The following PRKN variants were observed in gnomAD, a reference collection of about 807,000 sequenced individuals.
PRKN encodes parkin RBR E3 ubiquitin protein ligase, also known as E3 ubiquitin-protein ligase parkin.
Under a neutral mutation model 59.5 loss-of-function variants are expected in PRKN, and 56 were observed. The observed-to-expected ratio is 0.94, with a 90% CI of 0.76 to 1.18. The LOEUF is 1.18. PRKN is among the 50% of genes most tolerant of loss of function. The probability of loss-of-function intolerance (pLI) is 0.00; values close to 1 mark genes in which losing one functional copy is unlikely to be tolerated. For synonymous variants in PRKN, 250 were observed against 222.1 expected, an observed-to-expected ratio of 1.13 and a Z score of -1.12; for missense variants, 657 against 596.4, an observed-to-expected ratio of 1.10 and a Z score of -1.06.
rs1196046739 is a variant in PRKN, at chr6:161,566,532, G to T, written c.933+2823C>A. Among the ~76,000 whole-genome samples, 1 of 152,088 alleles carries T rather than the reference G, an allele frequency of 6.6e-6. No homozygotes were observed. Among genetic ancestry groups the T allele is most frequent in the Non-Finnish European group, 1.5e-5 (1 of 68,010 alleles). On this transcript the variant is annotated intron_variant, in intron 8 of 11. Transcript: ENST00000366898. This position sits in a 1 kb window ranked among gnomAD's most constrained non-coding sequence, Gnocchi z 4.1. ...AGCAATTCTCCTGCCTCAGCCTCCT[G>T]AGTAGCTGAGATTACAGGCGCCCGC...
chr6:161,793,655 C>G (rs1790725213), intron 6 of PRKN, among the ~76,000 whole-genome samples: 1 of 151,844 alleles, frequency 6.6e-6, no homozygotes, highest in African/African-American at 2.4e-5. Context: ...TAAGCACTAC[C>G]ATAAGGATGA....
intron 2 of PRKN, among the ~76,000 whole-genome samples, chr6:162,383,287 T>C (rs559058990): frequency 2.6e-5 from 4 of 152,210 alleles, no homozygotes; most frequent in Non-Finnish European, 4.4e-5. Flanking sequence ...TCTTGAATAA[T>C]AAGACTTGAA....
chr6:161,705,022 G>A (rs1441491027), intron 7 of PRKN, among the ~76,000 whole-genome samples: 1 of 152,208 alleles, frequency 6.6e-6, no homozygotes, highest in Admixed American at 6.5e-5. Flanking sequence ...GGTTCTCTGG[G>A]TGATGCCAGC....
Position 162,382,012 on chromosome 6 carries a change from A to G in PRKN, c.171+61298T>C, listed in dbSNP as rs111350342. On this transcript the variant is annotated intron_variant, in intron 2 of 11. Transcript: ENST00000366898. ...ACTCGTGGGTCACACTTAGGGGGTT[A>G]TTGGTCAAAAATTTCTGGATATCTG... 9.9e-5 allele frequency among the ~76,000 whole-genome samples: 15 copies of G among 152,278 alleles called. 1 individual carries two copies. Among genetic ancestry groups the G allele is most frequent in the African/African-American group, 2.9e-4 (12 of 41,554 alleles).
intron 2 of PRKN, among the ~76,000 whole-genome samples, chr6:162,432,375 A>C (rs2128163641): frequency 6.6e-6 from 1 of 152,132 alleles, no homozygotes; most frequent in Admixed American, 6.5e-5. Flanking sequence ...AAAATACAAA[A>C]ATTAGCTGGG....
chr6:161,516,174 G>A lies in PRKN; in HGVS notation c.1083+32680C>T, dbSNP rs112869808. Reference sequence around the variant, plus strand: ...CTTTAAGAAGAAAAGTGGGCCAGGCGCAGTGGCTCACGCCTGTAATCCCAG... The same window carrying A: ...CTTTAAGAAGAAAAGTGGGCCAGGCACAGTGGCTCACGCCTGTAATCCCAG... On this transcript the variant is annotated intron_variant, in intron 9 of 11. Coordinates refer to ENST00000366898, the MANE Select transcript of PRKN (RefSeq NM_004562.3). Among the ~76,000 whole-genome samples, 676 of 152,102 alleles carry A rather than the reference G, an allele frequency of 4.4e-3. 6 individuals carry two copies. The highest frequency in any genetic ancestry group is 0.014 in the African/African-American group (578 of 41,496).
intron 9 of PRKN, among the ~76,000 whole-genome samples, chr6:161,515,061 A>C (rs1169568274): frequency 6.6e-6 from 1 of 152,222 alleles, no homozygotes; most frequent in Non-Finnish European, 1.5e-5. Context: ...TTCCTTTAAA[A>C]AGCATGAGGC....
At chr6:162,120,773 G>A (rs138797232) in intron 4 of PRKN, among the ~76,000 whole-genome samples, 2 of 152,274 alleles carry the variant, frequency 1.3e-5, no homozygotes, top group African/African-American at 4.8e-5. Flanking sequence ...TCCTACCAGA[G>A]GATGTTAATA....
intron 1 of PRKN, among the ~76,000 whole-genome samples, chr6:162,575,960 A>G (rs2128209955): frequency 6.6e-6 from 1 of 152,224 alleles, no homozygotes; most frequent in African/African-American, 2.4e-5. Flanking sequence ...GTAGCCATAA[A>G]ACCTGGGTCT....
chr6:162,266,981 C>T (rs759483502), intron 2 of PRKN, among the ~76,000 whole-genome samples: 1 of 151,930 alleles, frequency 6.6e-6, no homozygotes, highest in East Asian at 1.9e-4. Context: ...AACTAAAAAT[C>T]GATACAAAAA....
intron 7 of PRKN, among the ~76,000 whole-genome samples, chr6:161,672,127 G>A (rs1784932426): frequency 6.6e-6 from 1 of 152,138 alleles, no homozygotes; most frequent in Admixed American, 6.5e-5. Flanking sequence ...TCGACCTGCA[G>A]GTTATATGAG....
At position 161,518,703 on chromosome 6, in the gene PRKN, C is replaced by T. The variant is rs1324550462; in HGVS notation, c.1083+30151G>A. Among the ~76,000 whole-genome samples, 3 of 152,228 alleles carry T rather than the reference C, an allele frequency of 2.0e-5. No individual in the cohort carries two copies. The highest frequency in any genetic ancestry group is 4.4e-5 in the Non-Finnish European group (3 of 68,042). ...CTGTCCAGGGGCCCATTGCAAGTTTCCACACATCCTCCTGCCTGCTGCAGA... is the reference window on the plus strand; with the variant it reads ...CTGTCCAGGGGCCCATTGCAAGTTTTCACACATCCTCCTGCCTGCTGCAGA... On this transcript the variant is annotated intron_variant, in intron 9 of 11. Coordinates refer to ENST00000366898, the MANE Select transcript of PRKN (RefSeq NM_004562.3). The surrounding 1 kb of genome is among the most constrained non-coding windows in gnomAD (Gnocchi z 5.0).
In PRKN at chr6:162,056,589, A is replaced by G. The variant is rs1777876120; in HGVS notation, c.535-2415T>C. ...TTGCAGAAGAGTTCTAGCAGGACTG[A>G]AGCTGCGATGGTTTGAAAAGCCTGC... On this transcript the variant is annotated intron_variant, in intron 4 of 11. Coordinates refer to ENST00000366898, the MANE Select transcript of PRKN (RefSeq NM_004562.3). The surrounding 1 kb of genome is among the most constrained non-coding windows in gnomAD (Gnocchi z 4.9). Among the ~76,000 whole-genome samples the G allele has an allele frequency of 6.6e-6, 1 of 152,164 alleles. No homozygotes were observed. The highest frequency in any genetic ancestry group is 2.1e-4 in the South Asian group (1 of 4,826).
chr6:162,453,607 T>C (rs1790727447), intron 1 of PRKN, among the ~76,000 whole-genome samples: 1 of 151,952 alleles, frequency 6.6e-6, no homozygotes. Flanking sequence ...AAATAGGCAA[T>C]AATAATAGTA....
At chr6:162,058,293 T>A (rs186097546) in intron 4 of PRKN, among the ~76,000 whole-genome samples, 37 of 152,314 alleles carry the variant, frequency 2.4e-4, no homozygotes, top group African/African-American at 8.7e-4. Context: ...GGTTGTCACA[T>A]CATTCTGAAA....
chr6:161,890,041 G>A (rs1246346067), intron 6 of PRKN, among the ~76,000 whole-genome samples: 1 of 152,024 alleles, frequency 6.6e-6, no homozygotes, highest in Admixed American at 6.5e-5. Flanking sequence ...AGACTCATGG[G>A]GTCAGAACAG....
At chr6:162,623,273 G>T (rs578070960) in intron 1 of PRKN, among the ~76,000 whole-genome samples, 1 of 148,964 alleles carries the variant, frequency 6.7e-6, no homozygotes, top group South Asian at 2.1e-4. Context: ...CCAATATAGA[G>T]ATCTTATTTT....
At chr6:161,556,682 T>C (rs1287538075) in intron 8 of PRKN, among the ~76,000 whole-genome samples, 1 of 152,192 alleles carries the variant, frequency 6.6e-6, no homozygotes, top group Non-Finnish European at 1.5e-5. Flanking sequence ...GAACAAACAC[T>C]TCCCTTGATA....
chr6:162,458,521 A>G (rs1791013403), intron 1 of PRKN, among the ~76,000 whole-genome samples: 1 of 151,948 alleles, frequency 6.6e-6, no homozygotes, highest in Admixed American at 6.5e-5. Context: ...ACTTTAAGGA[A>G]AAGATAGTAC....
Sources: allele counts gnomAD v4.1 joint callset (sites outside exome capture counted in the v4.1 genomes callset), GRCh38; gene constraint gnomAD v4.1.1; non-coding constraint Gnocchi (gnomAD v3.1); transcripts MANE v1.5; gene names NCBI Gene and HGNC (gene_info 2026-07-23, HGNC 2026-07-21).